Variants in SNX9 observed in about 807,000 individuals in gnomAD.
SNX9 encodes sorting nexin 9, also known as sorting nexin-9.
Under a neutral mutation model 89.4 loss-of-function variants are expected in SNX9, and 44 were observed. The ratio of observed to expected loss-of-function variants is 0.49; its 90% CI spans 0.39 to 0.63. The LOEUF (loss-of-function observed/expected upper bound fraction) is 0.63. Ranked by LOEUF, SNX9 falls within the 30% of genes least tolerant of loss-of-function variation. SNX9 has a pLI of 0.00. For missense variants in SNX9, 578 were observed against 736.1 expected (o/e 0.79, Z 2.49); for synonymous variants, 236 against 247.8 (o/e 0.95, Z 0.45).
At chr6:157,883,865 C>T (rs1254274853) in intron 4 of SNX9, among the ~76,000 whole-genome samples, 1 of 152,146 alleles carries the variant, frequency 6.6e-6, no homozygotes, top group African/African-American at 2.4e-5. Flanking sequence ...AATTATATTG[C>T]TTATTTGTAA....
chr6:157,925,767 C>T (rs1041860105), intron 10 of SNX9, among the ~76,000 whole-genome samples: 5 of 152,028 alleles, frequency 3.3e-5, no homozygotes, highest in Non-Finnish European at 7.4e-5. Context: ...AGCATGCATG[C>T]GTAGGTGGTA....
chr6:157,826,133 C>G (rs970793075), intron 1 of SNX9, among the ~76,000 whole-genome samples: 3 of 152,084 alleles, frequency 2.0e-5, no homozygotes, highest in Non-Finnish European at 4.4e-5. Context: ...AACTCCACTA[C>G]TATATTTTAC....
At chr6:157,872,769 C>T (rs1306292164) in intron 2 of SNX9, 3 of 166,362 alleles carry the variant, frequency 1.8e-5, no homozygotes, top group Non-Finnish European at 2.6e-5. Flanking sequence ...GCCTGGGATG[C>T]GCATCCCACC....
At position 157,938,816 on chromosome 6, in the gene SNX9, A is replaced by G; in HGVS notation, c.1648+69A>G. The G allele has an allele frequency of 8.4e-6, 10 of 1,191,354 alleles. No homozygotes were observed. In the South Asian group the frequency reaches 1.3e-4, roughly 16 times the overall value. The allele number at this position is 1,191,354 out of a possible 1,614,324, so 73.8% of individuals were successfully genotyped here. A position where few individuals can be genotyped will look rare whatever the true frequency, so the allele number is the denominator to read the frequency against. ...TTTCCCCAGCAAAGTTTCCCTTGATAGAGAGAAATCCAGATGTGAGCAGCA... is the reference window on the plus strand; with the variant it reads ...TTTCCCCAGCAAAGTTTCCCTTGATGGAGAGAAATCCAGATGTGAGCAGCA... On this transcript the variant is annotated intron_variant, in intron 16 of 17. Transcript: ENST00000392185.
At chr6:157,904,846 G>A (rs938351542) in intron 6 of SNX9, among the ~76,000 whole-genome samples, 10 of 152,334 alleles carry the variant, frequency 6.6e-5, no homozygotes, top group South Asian at 4.1e-4. Flanking sequence ...TCTGGCTGCT[G>A]TAATAGGTAA....
intron 3 of SNX9, among the ~76,000 whole-genome samples, 173 bp downstream of exon 3, chr6:157,873,349 A>G (rs929329193): frequency 6.6e-6 from 1 of 150,892 alleles, no homozygotes; most frequent in African/African-American, 2.4e-5. Context: ...AACTAAGAAA[A>G]ATATTACCTG....
At chr6:157,921,386 G>A (rs1783577732) in intron 9 of SNX9, 145 bp from the exon 10 acceptor site, 2 of 742,420 alleles carry the variant, frequency 2.7e-6, no homozygotes, top group Non-Finnish European at 4.1e-6. Context: ...TTTTAGATTA[G>A]TTAAAAATCT....
intron 1 of SNX9, among the ~76,000 whole-genome samples, chr6:157,833,983 C>T (rs1018834058): frequency 2.6e-5 from 4 of 151,926 alleles, no homozygotes; most frequent in African/African-American, 9.7e-5. Flanking sequence ...TGTCTCTCCA[C>T]GCTGGGGGCT....
At chr6:157,889,901 C>T (rs1164227520) in intron 4 of SNX9, among the ~76,000 whole-genome samples, 2 of 152,164 alleles carry the variant, frequency 1.3e-5, no homozygotes, top group Non-Finnish European at 2.9e-5. Flanking sequence ...ATACTGTGGG[C>T]TAGATGCTTT....
At chr6:157,831,575 C>T (rs1781479593) in intron 1 of SNX9, among the ~76,000 whole-genome samples, 2 of 152,168 alleles carry the variant, frequency 1.3e-5, no homozygotes, top group South Asian at 2.1e-4. Context: ...TGTTGCCTCC[C>T]CTGCCCCCAC....
Position 157,868,377 on chromosome 6 carries a change from G to T in SNX9, c.99+744G>T, listed in dbSNP as rs1782311317. ...TAGATACACTCATCTTCAGATGTGT[G>T]TCTCTGCTTATATAACTGGGTTTAT... On this transcript the variant is annotated intron_variant, in intron 2 of 17. Transcript: ENST00000392185. 2.0e-5 allele frequency among the ~76,000 whole-genome samples: 3 copies of T among 152,168 alleles called. 1 individual carries two copies. The South Asian group carries it at 6.2e-4, about 32-fold the overall frequency.
intron 1 of SNX9, among the ~76,000 whole-genome samples, chr6:157,826,941 T>TAAAATATATTATAGTTTATATAATATAC: frequency 1.2e-5 from 1 of 85,922 alleles, no homozygotes; most frequent in Non-Finnish European, 2.0e-5. Flanking sequence ...ATATAATATA[T>TAAAATATATTATAGTTTATATAATATAC]AAAATATATT....
rs747726891 is a variant in SNX9, at chr6:157,940,952, A to G, written c.1718A>G (p.Gln573Arg). The change falls in exon 17 of 18, where the codon CAG (glutamine) becomes CGG (arginine). Residue 573 changes from glutamine (Q) to arginine (R), a missense_variant. Coordinates refer to ENST00000392185, the MANE Select transcript of SNX9 (RefSeq NM_016224.5). ...AGTGTCATCCGCCTGTACCTGGAGC[A>G]GCAAGTGCAATTTTACGAAACGGTG... ...YNSVIRLYLEQQVQFYETIAE... is the reference protein window; with the variant it reads ...YNSVIRLYLERQVQFYETIAE... The G allele has an allele frequency of 1.2e-6, 2 of 1,614,248 alleles. No individual in the cohort carries two copies. The highest frequency in any genetic ancestry group is 8.5e-7 in the Non-Finnish European group (1 of 1,180,036).
chr6:157,941,971 G>C (rs1213489003), intron 17 of SNX9, among the ~76,000 whole-genome samples: 1 of 152,184 alleles, frequency 6.6e-6, no homozygotes, highest in African/African-American at 2.4e-5. Context: ...GAATATAACA[G>C]ATTACATTTG....
chr6:157,940,280 A>G (rs1465393072), intron 16 of SNX9, among the ~76,000 whole-genome samples: 1 of 152,102 alleles, frequency 6.6e-6, no homozygotes, highest in Non-Finnish European at 1.5e-5. Context: ...ATGACCAAGT[A>G]TTTTCTATTT....
chr6:157,884,200 A>G (rs1264814819), intron 4 of SNX9, among the ~76,000 whole-genome samples: 1 of 152,196 alleles, frequency 6.6e-6, no homozygotes, highest in African/African-American at 2.4e-5. Context: ...TTTTTTTAAA[A>G]CAGTTTGGAT....
intron 4 of SNX9, 76 bp from the exon 5 acceptor site, chr6:157,896,751 T>TGTCA: frequency 2.7e-6 from 4 of 1,488,262 alleles, no homozygotes; most frequent in Non-Finnish European, 3.7e-6. Context: ...TATTCAATTG[T>TGTCA]GTCAGTTCAT....
chr6:157,882,422 C>T (rs1043895847), intron 4 of SNX9, among the ~76,000 whole-genome samples: 3 of 152,150 alleles, frequency 2.0e-5, no homozygotes, highest in African/African-American at 7.2e-5. Context: ...TTCTACAGCC[C>T]TTGGATCGAG....
intron 4 of SNX9, among the ~76,000 whole-genome samples, chr6:157,887,823 C>A (rs1255912988): frequency 1.3e-5 from 2 of 152,104 alleles, no homozygotes; most frequent in Non-Finnish European, 2.9e-5. Flanking sequence ...GAGAGTTGCG[C>A]CTGAAAAGGA....
Sources: gnomAD v4.1 joint callset for allele counts (sites outside exome capture counted in the v4.1 genomes callset) on GRCh38, gnomAD v4.1.1 for gene constraint, MANE v1.5 for transcripts, NCBI Gene and HGNC (gene_info 2026-07-23, HGNC 2026-07-21) for gene names.